CDR2L: variants seen among roughly 807,000 people sequenced by gnomAD.
CDR2L encodes the protein cerebellar degeneration related protein 2 like.
In CDR2L, 19 loss-of-function variants were observed where a neutral mutation model predicts 36.1. The ratio of observed to expected loss-of-function variants is 0.53; its 90% CI spans 0.37 to 0.77. The LOEUF (loss-of-function observed/expected upper bound fraction) is 0.77. Ranked by LOEUF, CDR2L falls within the 30% of genes least tolerant of loss-of-function variation. CDR2L has a pLI of 0.00. For synonymous variants in CDR2L, 285 were observed against 280.4 expected (o/e 1.02, Z -0.16); for missense variants, 575 against 627.2 (o/e 0.92, Z 0.89).
Position 75,003,264 on chromosome 17 carries a change from G to A in CDR2L, c.588G>A (p.Gln196=), listed in dbSNP as rs1232379274. The part of the protein sequence containing the change: ...RPLEQENERL[Q]TLVGALRSQV... The stretch of plus-strand genomic sequence containing the variant: ...TGGAGCAGGAGAACGAGCGGCTGCA[G>A]ACCCTGGTGGGGGCGCTGCGCTCCC... The change falls in exon 5 of 5, where the codon CAG becomes CAA. Residue 196 remains glutamine (Q), a synonymous_variant. Transcript: ENST00000337231. The A allele has an allele frequency of 3.8e-6, 6 of 1,558,824 alleles. No individual in the cohort carries two copies. Among genetic ancestry groups the A allele is most frequent in the Admixed American group, 1.9e-5 (1 of 51,658 alleles).
intron 1 of CDR2L, among the ~76,000 whole-genome samples, chr17:74,994,896 C>G (rs1449876150): frequency 6.6e-6 from 1 of 151,976 alleles, no homozygotes; most frequent in Non-Finnish European, 1.5e-5. Flanking sequence ...TGGTGAAACC[C>G]CGTCTCTACT....
chr17:74,989,030 G>A lies in CDR2L; in HGVS notation c.79+908G>A, dbSNP rs1280642287. Among the ~76,000 whole-genome samples, 1 of 151,986 alleles carries A rather than the reference G, an allele frequency of 6.6e-6. No homozygotes were observed. The highest frequency in any genetic ancestry group is 1.5e-5 in the Non-Finnish European group (1 of 68,010). Reference sequence around the variant, plus strand: ...TTGGATGGTGAGAGCTGGAAGGGGCGAGGAAACATGTCCAGGGAGAAGTGA... The same window carrying A: ...TTGGATGGTGAGAGCTGGAAGGGGCAAGGAAACATGTCCAGGGAGAAGTGA... On this transcript the variant is annotated intron_variant, in intron 1 of 4. Coordinates refer to ENST00000337231, the MANE Select transcript of CDR2L (RefSeq NM_014603.3). This position sits in a 1 kb window ranked among gnomAD's most constrained non-coding sequence, Gnocchi z 4.2.
rs371664165 is a variant in CDR2L, at chr17:75,003,883, G to T, written c.1207G>T (p.Gly403Trp). ...GGACAGCTCGTGGAGGGACCTGCGC[G>T]GGGGTGAGGAGGGCCAGGGTGAGGT... ...SRDSSWRDLR[G>W]GEEGQGEVKA... Residue 403 changes from glycine to tryptophan, a missense_variant, in exon 5 of 5, where the codon GGG (glycine) becomes TGG (tryptophan). Coordinates refer to ENST00000337231, the MANE Select transcript of CDR2L (RefSeq NM_014603.3). 16 of 1,603,936 alleles carry T rather than the reference G, an allele frequency of 1.0e-5. No individual in the cohort carries two copies. The highest frequency in any genetic ancestry group is 2.3e-5 in the East Asian group (1 of 44,434).
At chr17:74,996,201 T>C (rs934794687) in intron 1 of CDR2L, among the ~76,000 whole-genome samples, 1 of 152,090 alleles carries the variant, frequency 6.6e-6, no homozygotes, top group Non-Finnish European at 1.5e-5. Flanking sequence ...TCCAGCACTT[T>C]GGGAGGCCGA....
In CDR2L at chr17:75,001,462, G is replaced by C. The variant is rs1567975509; in HGVS notation, c.314G>C (p.Ser105Thr). 6.3e-7 allele frequency: 1 copy of C among 1,586,640 alleles called. No individual in the cohort carries two copies. The highest frequency in any genetic ancestry group is 8.6e-7 in the Non-Finnish European group (1 of 1,168,528). ...ELTNHRLVLE[S>T]KAAQQKIHGL... ...ACCAACCACAGGCTGGTGCTGGAGAGTAAGGCTGCCCAGCAGAAGATCCAT... is the reference window on the plus strand; with the variant it reads ...ACCAACCACAGGCTGGTGCTGGAGACTAAGGCTGCCCAGCAGAAGATCCAT... Residue 105 changes from serine to threonine, a missense_variant, in exon 3 of 5, where the codon AGT (serine) becomes ACT (threonine). By Grantham distance (58) the Ser-to-Thr change is moderately conservative (BLOSUM62 1). Transcript: ENST00000337231.
At chr17:74,990,299 G>A (rs1598650985) in intron 1 of CDR2L, among the ~76,000 whole-genome samples, 1 of 152,296 alleles carries the variant, frequency 6.6e-6, no homozygotes, top group South Asian at 2.1e-4. Context: ...GCCTGGCCTG[G>A]CAGCTCCAAT....
chr17:74,990,796 G>A (rs892319509), intron 1 of CDR2L, among the ~76,000 whole-genome samples: 3 of 152,188 alleles, frequency 2.0e-5, no homozygotes, highest in African/African-American at 7.2e-5. Flanking sequence ...GACGGAGCAC[G>A]GGCCAAAGGC....
chr17:75,004,180 C>T lies in CDR2L; in HGVS notation c.*106C>T, dbSNP rs2039889222. 2 of 955,104 alleles carry T rather than the reference C, an allele frequency of 2.1e-6. No individual in the cohort carries two copies. Among genetic ancestry groups the T allele is most frequent in the African/African-American group, 3.3e-5 (2 of 59,940 alleles). 59.2% of individuals were successfully genotyped at this position (955,104 alleles called of 1,614,324 possible). A position where few individuals can be genotyped will look rare whatever the true frequency, so the allele number is the denominator to read the frequency against. On this transcript the variant is annotated 3_prime_UTR_variant, in exon 5 of 5. Transcript: ENST00000337231. ...AGCGCCCTTTAGCGGCCTGCCACCA[C>T]AGCACGCGGCCTCCTGATCCGGAAG...
In CDR2L at chr17:75,002,106, G is replaced by A; in HGVS notation, c.384G>A (p.Glu128=). ...AGCGCCTCCAGGCTCAGGTGGAGGA[G>A]CTGCAGGCCCAGGTGGAGCAACTGA... ...TIERLQAQVE[E]LQAQVEQLRG... The change falls in exon 4 of 5, where the codon GAG becomes GAA. Residue 128 remains glutamate (E), a synonymous_variant. Transcript: ENST00000337231. This position sits in a 1 kb window ranked among gnomAD's most constrained non-coding sequence, Gnocchi z 4.1. 6.2e-7 allele frequency: 1 copy of A among 1,601,282 alleles called. No homozygotes were observed. The highest frequency in any genetic ancestry group is 8.5e-7 in the Non-Finnish European group (1 of 1,175,002).
In CDR2L at chr17:74,997,226, G is replaced by A. The variant is rs951449810; in HGVS notation, c.80-2278G>A. Among the ~76,000 whole-genome samples, 7 of 152,020 alleles carry A rather than the reference G, an allele frequency of 4.6e-5. No homozygotes were observed. In the South Asian group the frequency reaches 1.5e-3, roughly 32 times the overall value. On this transcript the variant is annotated intron_variant, in intron 1 of 4. Transcript: ENST00000337231. Reference sequence around the variant, plus strand: ...CCCAAGTAGCTGGGATTACAGGCTTGCGCCACCACACCCAGCTAATTTTTA... The same window carrying A: ...CCCAAGTAGCTGGGATTACAGGCTTACGCCACCACACCCAGCTAATTTTTA...
At position 75,001,339 on chromosome 17, in the gene CDR2L, A is replaced by G. The variant is rs1459469859; in HGVS notation, c.193-2A>G. 1 of 1,603,402 alleles carries G rather than the reference A, an allele frequency of 6.2e-7. No individual in the cohort carries two copies. The highest frequency in any genetic ancestry group is 1.3e-5 in the African/African-American group (1 of 74,590). The stretch of plus-strand genomic sequence containing the variant: ...AGTTACTCAATGTCCTTCCACCCCC[A>G]GTACCTAACCAAGCAGCTGGACACG... On this transcript the variant is annotated splice_acceptor_variant, in intron 2 of 4. Coordinates refer to ENST00000337231, the MANE Select transcript of CDR2L (RefSeq NM_014603.3). LOFTEE classifies it high-confidence loss of function.
intron 2 of CDR2L, among the ~76,000 whole-genome samples, chr17:75,000,790 A>T (rs1176972055): frequency 6.7e-6 from 1 of 149,058 alleles, no homozygotes; most frequent in Non-Finnish European, 1.5e-5. Flanking sequence ...GGTGGGCACC[A>T]GTAGTCCCAG....
At position 75,003,815 on chromosome 17, in the gene CDR2L, G is replaced by C; in HGVS notation, c.1139G>C (p.Gly380Ala). 1 of 1,553,174 alleles carries C rather than the reference G, an allele frequency of 6.4e-7. No homozygotes were observed. The highest frequency in any genetic ancestry group is 8.7e-7 in the Non-Finnish European group (1 of 1,148,764). Residue 380 changes from glycine (G) to alanine (A), a missense_variant, in exon 5 of 5, where the codon GGA (glycine) becomes GCA (alanine). Coordinates refer to ENST00000337231, the MANE Select transcript of CDR2L (RefSeq NM_014603.3). The stretch of plus-strand genomic sequence containing the variant: ...AGCAAGTGCCGGCAGCACGGGGCCG[G>C]AGTGCGGCACGCCGGCGTGCAGACC... ...LLSKCRQHGA[G>A]VRHAGVQTSR...
intron 1 of CDR2L, 71 bp from the exon 2 acceptor site, chr17:74,999,433 A>C: frequency 9.6e-7 from 1 of 1,046,084 alleles, no homozygotes. Context: ...GGGGTCACCT[A>C]GAGTAGATGC....
chr17:75,004,054 A>C lies in CDR2L; in HGVS notation c.1378A>C (p.Lys460Gln). 2.5e-6 allele frequency: 4 copies of C among 1,609,670 alleles called. No individual in the cohort carries two copies. Among genetic ancestry groups the C allele is most frequent in the Non-Finnish European group, 3.4e-6 (4 of 1,178,058 alleles). ...TKADINATKV[K>Q]THSSK Reference sequence around the variant, plus strand: ...GGCTGACATCAACGCCACCAAAGTCAAGACGCACAGCAGCAAGTGACCCTT... The same window carrying C: ...GGCTGACATCAACGCCACCAAAGTCCAGACGCACAGCAGCAAGTGACCCTT... Residue 460 changes from lysine (K) to glutamine (Q), a missense_variant, in exon 5 of 5, where the codon AAG becomes CAG. By Grantham distance (53) the Lys-to-Gln change is moderately conservative (BLOSUM62 1). Coordinates refer to ENST00000337231, the MANE Select transcript of CDR2L (RefSeq NM_014603.3).
chr17:75,000,096 C>A (rs1364594603), intron 2 of CDR2L, among the ~76,000 whole-genome samples: 2 of 151,882 alleles, frequency 1.3e-5, no homozygotes, highest in African/African-American at 4.8e-5. Context: ...GGCAACATGG[C>A]GAAACCTTGT....
intron 1 of CDR2L, among the ~76,000 whole-genome samples, chr17:74,990,959 G>A (rs1297311689): frequency 6.6e-6 from 1 of 152,224 alleles, no homozygotes; most frequent in Non-Finnish European, 1.5e-5. Flanking sequence ...CTGCCCAAAG[G>A]GCAGGCCCTG....
At chr17:74,995,167 A>C (rs1337025641) in intron 1 of CDR2L, among the ~76,000 whole-genome samples, 2 of 150,552 alleles carry the variant, frequency 1.3e-5, no homozygotes, top group Non-Finnish European at 3.0e-5. Context: ...CTTCCAAAGC[A>C]CTGGGATTAC....
rs1462196208 is a variant in CDR2L, at chr17:75,002,909, C to G, written c.507-274C>G. 1.3e-5 allele frequency among the ~76,000 whole-genome samples: 2 copies of G among 152,194 alleles called. No homozygotes were observed. The highest frequency in any genetic ancestry group is 1.9e-4 in the East Asian group (1 of 5,190). On this transcript the variant is annotated intron_variant, in intron 4 of 4. Coordinates refer to ENST00000337231, the MANE Select transcript of CDR2L (RefSeq NM_014603.3). The surrounding 1 kb of genome is among the most constrained non-coding windows in gnomAD (Gnocchi z 4.1). ...ACACACCCCACGGCCTCTGCTCCCCCCTCGGACCTCTAGCCAGTGCCTCTC... is the reference window on the plus strand; with the variant it reads ...ACACACCCCACGGCCTCTGCTCCCCGCTCGGACCTCTAGCCAGTGCCTCTC...
Sources: allele counts gnomAD v4.1 joint callset (sites outside exome capture counted in the v4.1 genomes callset), GRCh38; gene constraint gnomAD v4.1.1; non-coding constraint Gnocchi (gnomAD v3.1); transcripts MANE v1.5; gene names NCBI Gene and HGNC (gene_info 2026-07-23, HGNC 2026-07-21).